NRXN3: variants seen among roughly 807,000 people sequenced by gnomAD.
NRXN3 encodes the protein neurexin III.
In NRXN3, 32 loss-of-function variants were observed where a neutral mutation model predicts 137.6. The ratio of observed to expected loss-of-function variants is 0.23; its 90% confidence interval spans 0.18 to 0.31. The LOEUF (loss-of-function observed/expected upper bound fraction) is 0.31, where lower values mean the gene tolerates loss of function less well. Among genes scored for constraint, NRXN3 ranks in the 10% least tolerant of loss-of-function variants. The pLI, the probability that NRXN3 is intolerant of heterozygous loss-of-function variation, is 1.00. For synonymous variants in NRXN3, 798 were observed against 784.5 expected (o/e 1.02, Z -0.29); for missense variants, 1,574 against 2,062.5 (o/e 0.76, Z 4.59).
At chr14:78,970,972 C>T (rs1400988495) in intron 14 of NRXN3, among the ~76,000 whole-genome samples, 1 of 152,110 alleles carries the variant, frequency 6.6e-6, no homozygotes, top group Non-Finnish European at 1.5e-5. Context: ...AGGGTGAGTG[C>T]TGAGGGAAGA....
At chr14:78,320,815 C>T (rs1055677380) in intron 4 of NRXN3, among the ~76,000 whole-genome samples, 2 of 152,140 alleles carry the variant, frequency 1.3e-5, no homozygotes, top group Admixed American at 6.5e-5. Flanking sequence ...TTCAGCATCT[C>T]ACCTAAGATC....
At chr14:78,205,947 C>T (rs553492233) in intron 1 of NRXN3, among the ~76,000 whole-genome samples, 158 of 152,188 alleles carry the variant, frequency 1.0e-3, no homozygotes, top group African/African-American at 3.7e-3. Flanking sequence ...AGTTAAGTGG[C>T]AGTGAGGATA....
intron 16 of NRXN3, among the ~76,000 whole-genome samples, chr14:79,479,153 G>A (rs77121290): frequency 0.017 from 2,575 of 152,188 alleles, 81 homozygotes; most frequent in African/African-American, 0.059. Context: ...AAGTGCAAAA[G>A]GTAGTACTTA....
At chr14:78,282,466 T>C in intron 3 of NRXN3, 1 of 238,218 alleles carries the variant, frequency 4.2e-6, no homozygotes, top group Non-Finnish European at 8.6e-6. Flanking sequence ...TCTCAGGCTC[T>C]GCCTGCTGAT....
At position 79,804,873 on chromosome 14, in the gene NRXN3, T is replaced by A. The variant is rs10138362; in HGVS notation, c.4015-239T>A. 4.6e-5 allele frequency among the ~76,000 whole-genome samples: 7 copies of A among 152,168 alleles called. No individual in the cohort carries two copies. The East Asian group carries it at 1.4e-3, about 29-fold the overall frequency. ...GTGAGGCTTAAGTCTCCTGGAACCA[T>A]CTTGGGTCACTCAGCTCTACGGAAG... On this transcript the variant is annotated intron_variant, in intron 19 of 20. Coordinates refer to ENST00000335750, the MANE Select transcript of NRXN3 (RefSeq NM_001330195.2).
intron 19 of NRXN3, among the ~76,000 whole-genome samples, chr14:79,769,686 C>T (rs1448347222): frequency 6.6e-6 from 1 of 152,016 alleles, no homozygotes; most frequent in African/African-American, 2.4e-5. Context: ...AAGGTAAAGA[C>T]CATCGAGACT....
intron 19 of NRXN3, among the ~76,000 whole-genome samples, chr14:79,798,210 A>T (rs182292336): frequency 3.9e-5 from 6 of 152,078 alleles, no homozygotes; most frequent in South Asian, 2.1e-4. Flanking sequence ...AGATACATTT[A>T]AAAAAAAGGT....
At chr14:79,292,456 A>G (rs566377090) in intron 15 of NRXN3, among the ~76,000 whole-genome samples, 1 of 152,282 alleles carries the variant, frequency 6.6e-6, no homozygotes, top group South Asian at 2.1e-4. Context: ...CAAGCAACCA[A>G]ACTTTCCTGA....
chr14:79,821,638 A>G (rs1301635352), intron 20 of NRXN3, among the ~76,000 whole-genome samples: 2 of 146,298 alleles, frequency 1.4e-5, no homozygotes, highest in African/African-American at 2.5e-5. Context: ...TTAAACAGCA[A>G]TCCCTTCCAA....
chr14:79,301,737 G>T (rs2085174180), intron 15 of NRXN3, among the ~76,000 whole-genome samples: 1 of 151,918 alleles, frequency 6.6e-6, no homozygotes, highest in Non-Finnish European at 1.5e-5. Context: ...TGGGGTGTGT[G>T]TGTGTGTGTG....
intron 15 of NRXN3, among the ~76,000 whole-genome samples, chr14:79,149,616 T>C (rs1448589343): frequency 6.6e-6 from 1 of 152,042 alleles, no homozygotes; most frequent in East Asian, 1.9e-4. Context: ...CAAATGCCCA[T>C]CAATGATAGA....
intron 15 of NRXN3, among the ~76,000 whole-genome samples, chr14:79,222,558 G>C (rs2069972056): frequency 2.0e-5 from 3 of 152,114 alleles, no homozygotes; most frequent in Admixed American, 2.0e-4. Context: ...ACAACTGCTG[G>C]ATTGTATGGT....
chr14:78,966,533 C>T, intron 12 of NRXN3, 127 bp downstream of exon 12: 2 of 983,004 alleles, frequency 2.0e-6, no homozygotes, highest in Non-Finnish European at 1.5e-6. Context: ...ATTCTCGCAT[C>T]TTCCTTGATT....
At position 78,967,245 on chromosome 14, in the gene NRXN3, A is replaced by G; in HGVS notation, c.2815A>G (p.Asn939Asp). The part of the protein sequence containing the change: ...HYVFDLGNGP[N>D]VIKGNSDRPL... ...CGTTTTTGACCTCGGAAACGGTCCC[A>G]ATGTGATCAAAGGCAACAGTGACCG... Residue 939 changes from asparagine to aspartate, a missense_variant, in exon 13 of 21, where the codon AAT (asparagine) becomes GAT (aspartate). By Grantham distance (23) the Asn-to-Asp change is conservative (BLOSUM62 1). This residue lies in a region of NRXN3 where 718 missense variants were observed against 887.6 expected (regional missense o/e 0.81). Coordinates refer to ENST00000335750, the MANE Select transcript of NRXN3 (RefSeq NM_001330195.2). 6.2e-7 allele frequency: 1 copy of G among 1,612,782 alleles called. No homozygotes were observed. The highest frequency in any genetic ancestry group is 8.5e-7 in the Non-Finnish European group (1 of 1,179,778).
chr14:79,619,574 C>A (rs965206698), intron 16 of NRXN3, among the ~76,000 whole-genome samples: 6 of 151,986 alleles, frequency 3.9e-5, no homozygotes, highest in Non-Finnish European at 7.4e-5. Flanking sequence ...TAAACACTTT[C>A]TTTATAGTAT....
chr14:78,180,948 C>G (rs906263471), intron 1 of NRXN3, among the ~76,000 whole-genome samples: 10 of 152,274 alleles, frequency 6.6e-5, no homozygotes, highest in Admixed American at 5.9e-4. Context: ...CATGCTGCAC[C>G]TCACACCAAC....
intron 4 of NRXN3, among the ~76,000 whole-genome samples, chr14:78,442,280 A>AT (rs2094283802): frequency 1.4e-5 from 1 of 72,704 alleles, no homozygotes; most frequent in Non-Finnish European, 2.4e-5. Context: ...CCAGAAAAAA[A>AT]GGAAAAAAAA....
chr14:79,274,976 A>C (rs1220296604), intron 15 of NRXN3, among the ~76,000 whole-genome samples: 1 of 152,236 alleles, frequency 6.6e-6, no homozygotes, highest in South Asian at 2.1e-4. Context: ...TGTAGAAGTG[A>C]TGTCTAAAAG....
intron 4 of NRXN3, among the ~76,000 whole-genome samples, chr14:78,405,048 T>G (rs2092389147): frequency 6.6e-6 from 1 of 152,222 alleles, no homozygotes; most frequent in Non-Finnish European, 1.5e-5. Flanking sequence ...ATAGGCTTCA[T>G]CCAGCAATTG....
Sources: gnomAD v4.1 joint callset for allele counts (sites outside exome capture counted in the v4.1 genomes callset) on GRCh38, gnomAD v4.1.1 for gene constraint, gnomAD v4.1.1 regional missense constraint, MANE v1.5 for transcripts, NCBI Gene and HGNC (gene_info 2026-07-23, HGNC 2026-07-21) for gene names.